Variants in OSBPL3 observed in about 807,000 individuals in gnomAD.
OSBPL3 encodes oxysterol binding protein like 3.
OSBPL3 carries 65 observed loss-of-function variants against 120.1 expected under a neutral mutation model. The observed-to-expected ratio is 0.54, with a 90% CI of 0.44 to 0.67. OSBPL3 has a LOEUF of 0.67. Ranked by LOEUF, OSBPL3 falls within the 30% of genes least tolerant of loss-of-function variation. OSBPL3 has a pLI of 0.00. For missense variants in OSBPL3, 1,004 were observed against 1,082.1 expected, an observed-to-expected ratio of 0.93 and a Z score of 1.01; for synonymous variants, 416 against 402.6, an observed-to-expected ratio of 1.03 and a Z score of -0.40.
chr7:24,966,221 G>T lies in OSBPL3; in HGVS notation c.-150+13665C>A, dbSNP rs924381360. ...AGCCGCGAAGAGAAATCCAGCACCT[G>T]CGGAGACCACACACTGCACATTTTA... On this transcript the variant is annotated intron_variant, in intron 1 of 22. Transcript: ENST00000313367. This position sits in a 1 kb window ranked among gnomAD's most constrained non-coding sequence, Gnocchi z 4.8. Among the ~76,000 whole-genome samples, 2 of 152,206 alleles carry T rather than the reference G, an allele frequency of 1.3e-5. No individual in the cohort carries two copies. The highest frequency in any genetic ancestry group is 4.8e-5 in the African/African-American group (2 of 41,444).
chr7:24,801,243 CAAAAAA>C (rs397976980), intron 22 of OSBPL3, among the ~76,000 whole-genome samples: 6 of 73,994 alleles, frequency 8.1e-5, no homozygotes, highest in South Asian at 4.9e-4. Context: ...GACTCCTTCT[CAAAAAA>C]AAAAAAAAAA....
Position 24,953,552 on chromosome 7 carries a change from T to C in OSBPL3, c.-150+26334A>G, listed in dbSNP as rs1357406332. ...TATTACTCTCAGTATGAAAACTAAA[T>C]AGATCATCAGAAAAAGAATTAGGCA... On this transcript the variant is annotated intron_variant, in intron 1 of 22. Coordinates refer to ENST00000313367, the MANE Select transcript of OSBPL3 (RefSeq NM_015550.4). This position sits in a 1 kb window ranked among gnomAD's most constrained non-coding sequence, Gnocchi z 4.3. Among the ~76,000 whole-genome samples the C allele has an allele frequency of 6.6e-6, 1 of 152,158 alleles. No individual in the cohort carries two copies. The highest frequency in any genetic ancestry group is 1.5e-5 in the Non-Finnish European group (1 of 68,018).
chr7:24,847,196 G>A (rs1028062347), intron 12 of OSBPL3, among the ~76,000 whole-genome samples: 7 of 152,264 alleles, frequency 4.6e-5, no homozygotes, highest in East Asian at 1.9e-4. Context: ...AGAGGTAACC[G>A]GGAGTTACCG....
chr7:24,905,164 A>G (rs1396162533), intron 1 of OSBPL3, among the ~76,000 whole-genome samples: 1 of 143,856 alleles, frequency 7.0e-6, no homozygotes, highest in Non-Finnish European at 1.6e-5. Context: ...GGGTGTGGAA[A>G]CTCTTCACAA....
rs1409655323 is a variant in OSBPL3 at position 24,930,355 on chromosome 7, C to T, written c.-149-37734G>A. 2.0e-5 allele frequency among the ~76,000 whole-genome samples: 3 copies of T among 152,050 alleles called. No individual in the cohort carries two copies. Reference sequence around the variant, plus strand: ...TTTTTGTTGTCAATTCCTGTCTAAACAAACAAATTTTATACTGCCTATCCA... The same window carrying T: ...TTTTTGTTGTCAATTCCTGTCTAAATAAACAAATTTTATACTGCCTATCCA... On this transcript the variant is annotated intron_variant, in intron 1 of 22. Coordinates refer to ENST00000313367, the MANE Select transcript of OSBPL3 (RefSeq NM_015550.4). The surrounding 1 kb of genome is among the most constrained non-coding windows in gnomAD (Gnocchi z 4.4).
chr7:24,799,465 G>A lies in OSBPL3; in HGVS notation c.*718C>T, dbSNP rs1176019015. On this transcript the variant is annotated 3_prime_UTR_variant, in exon 23 of 23. Coordinates refer to ENST00000313367, the MANE Select transcript of OSBPL3 (RefSeq NM_015550.4). This position sits in a 1 kb window ranked among gnomAD's most constrained non-coding sequence, Gnocchi z 5.3. ...ATGCTATTGTGATATTTAATTAATT[G>A]GAATTCTTTTCTCTTATGAATAATT... 1.3e-5 allele frequency: 2 copies of A among 151,994 alleles called. No individual in the cohort carries two copies. Among genetic ancestry groups the A allele is most frequent in the Non-Finnish European group, 2.9e-5 (2 of 67,994 alleles). 9.4% of individuals were successfully genotyped at this position (151,994 alleles called of 1,614,324 possible). A position where few individuals can be genotyped will look rare whatever the true frequency, so the allele number is the denominator to read the frequency against.
In OSBPL3 at chr7:24,969,056, A is replaced by G. The variant is rs114733212; in HGVS notation, c.-150+10830T>C. On this transcript the variant is annotated intron_variant, in intron 1 of 22. Transcript: ENST00000313367. Reference sequence around the variant, plus strand: ...GATTCAAAGAGTGCATGCATTTCCAATTTTGACAGATACTGCCAATGGCTC... The same window carrying G: ...GATTCAAAGAGTGCATGCATTTCCAGTTTTGACAGATACTGCCAATGGCTC... 9.1e-3 allele frequency among the ~76,000 whole-genome samples: 1,379 copies of G among 152,310 alleles called. 23 individuals carry two copies. The highest frequency in any genetic ancestry group is 0.031 in the African/African-American group (1,295 of 41,558).
At position 24,817,648 on chromosome 7, in the gene OSBPL3, G is replaced by A. The variant is rs1794636111; in HGVS notation, c.1949-960C>T. Reference sequence around the variant, plus strand: ...TTGCAAAGGCAATTGGAAGCCATATGGAGAATGGAACAGGAGTAGGAGAGA... The same window carrying A: ...TTGCAAAGGCAATTGGAAGCCATATAGAGAATGGAACAGGAGTAGGAGAGA... On this transcript the variant is annotated intron_variant, in intron 17 of 22. Transcript: ENST00000313367. The surrounding 1 kb of genome is among the most constrained non-coding windows in gnomAD (Gnocchi z 4.0). Among the ~76,000 whole-genome samples the A allele has an allele frequency of 6.6e-6, 1 of 152,202 alleles. No homozygotes were observed.
rs952612132 is a variant in OSBPL3, at chr7:24,877,902, T to C, written c.97-5833A>G. Among the ~76,000 whole-genome samples the C allele has an allele frequency of 1.3e-5, 2 of 152,166 alleles. No homozygotes were observed. Among genetic ancestry groups the C allele is most frequent in the Non-Finnish European group, 2.9e-5 (2 of 68,030 alleles). ...ACACGGCTGCACTGATGTCTCATCC[T>C]GTGGGGTGTCAAGCTTAAAGGTCAC... is the stretch of plus-strand genomic sequence containing the variant. On this transcript the variant is annotated intron_variant, in intron 2 of 22. Coordinates refer to ENST00000313367, the MANE Select transcript of OSBPL3 (RefSeq NM_015550.4). This position sits in a 1 kb window ranked among gnomAD's most constrained non-coding sequence, Gnocchi z 4.8.
chr7:24,903,360 T>G (rs1037388750), intron 1 of OSBPL3, among the ~76,000 whole-genome samples: 1 of 152,142 alleles, frequency 6.6e-6, no homozygotes, highest in Non-Finnish European at 1.5e-5. Flanking sequence ...AAGGAAGAGA[T>G]CAAGAGACCC....
chr7:24,849,152 T>C lies in OSBPL3; in HGVS notation c.1183A>G (p.Lys395Glu), dbSNP rs1798818347. Residue 395 changes from lysine (K) to glutamate (E), a missense_variant, in exon 12 of 23, where the codon AAA becomes GAA. By Grantham distance (56) the Lys-to-Glu change is moderately conservative (BLOSUM62 1). Around this residue, in one of 4 missense-constraint regions of OSBPL3, gnomAD observed 272 missense variants for 248.8 expected, o/e 1.09. Coordinates refer to ENST00000313367, the MANE Select transcript of OSBPL3 (RefSeq NM_015550.4). This position sits in a 1 kb window ranked among gnomAD's most constrained non-coding sequence, Gnocchi z 5.4. ...SSALAQNTDL[K>E]ERLRRIHAES... is the part of the protein sequence containing the mutation. The stretch of plus-strand genomic sequence containing the variant: ...GCATGGATTCTGCGTAAGCGTTCTT[T>C]AAGATCTGTGTTTTGTGCTAGGGCC... 1.9e-6 allele frequency: 3 copies of C among 1,613,952 alleles called. No individual in the cohort carries two copies. In the East Asian group the frequency reaches 6.7e-5, roughly 36 times the overall value.
Position 24,904,079 on chromosome 7 carries a change from C to T in OSBPL3, c.-149-11458G>A, listed in dbSNP as rs574551306. Among the ~76,000 whole-genome samples, 5 of 152,160 alleles carry T rather than the reference C, an allele frequency of 3.3e-5. No homozygotes were observed. In the East Asian group the frequency reaches 9.6e-4, roughly 29 times the overall value. On this transcript the variant is annotated intron_variant, in intron 1 of 22. Coordinates refer to ENST00000313367, the MANE Select transcript of OSBPL3 (RefSeq NM_015550.4). ...TGTATTTTTAGTAGAGATGGGGTTT[C>T]ACCATGTTGGCCAGGCTGGTCTCAA...
Position 24,852,387 on chromosome 7 carries a change from A to G in OSBPL3, c.1158+117T>C, listed in dbSNP as rs1799266422. On this transcript the variant is annotated intron_variant, in intron 11 of 22. Transcript: ENST00000313367. This position sits in a 1 kb window ranked among gnomAD's most constrained non-coding sequence, Gnocchi z 4.1. ...AGATTTGATGAAAGGTTAGAATATA[A>G]TTTGGATAATTTGGTTTTCTCCTGA... is the stretch of plus-strand genomic sequence containing the variant. 7 of 848,210 alleles carry G rather than the reference A, an allele frequency of 8.3e-6. No individual in the cohort carries two copies. The highest frequency in any genetic ancestry group is 1.7e-5 in the African/African-American group (1 of 57,900). The allele number at this position is 848,210 out of a possible 1,614,324, so 52.5% of individuals were successfully genotyped here. A position where few individuals can be genotyped will look rare whatever the true frequency, so the allele number is the denominator to read the frequency against.
In OSBPL3 at chr7:24,939,799, G is replaced by T. The variant is rs1562991844; in HGVS notation, c.-150+40087C>A. On this transcript the variant is annotated intron_variant, in intron 1 of 22. Transcript: ENST00000313367. This position sits in a 1 kb window ranked among gnomAD's most constrained non-coding sequence, Gnocchi z 4.2. ...ACCCAGTTCAGTCACTGAGAAGGGG[G>T]AAAAAATCAGTAACAGGGGGCTATA... Among the ~76,000 whole-genome samples, 1 of 152,094 alleles carries T rather than the reference G, an allele frequency of 6.6e-6. No individual in the cohort carries two copies. Among genetic ancestry groups the T allele is most frequent in the Non-Finnish European group, 1.5e-5 (1 of 68,012 alleles).
rs1562831439 is a variant in OSBPL3, at chr7:24,854,539, A to ACAC, written c.1028-1906_1028-1905insGTG. Among the ~76,000 whole-genome samples the ACAC allele has an allele frequency of 8.4e-5, 11 of 131,700 alleles. No individual in the cohort carries two copies. The highest frequency in any genetic ancestry group is 3.0e-4 in the Admixed American group (4 of 13,378). 86.4% of individuals were successfully genotyped at this position (131,700 alleles called of 152,430 possible). A position where few individuals can be genotyped will look rare whatever the true frequency, so the allele number is the denominator to read the frequency against. On this transcript the variant is annotated intron_variant, in intron 10 of 22. Coordinates refer to ENST00000313367, the MANE Select transcript of OSBPL3 (RefSeq NM_015550.4). The surrounding 1 kb of genome is among the most constrained non-coding windows in gnomAD (Gnocchi z 4.1). The stretch of plus-strand genomic sequence containing the variant: ...ACACACACACACACACACACACACA[A>ACAC]ACACACACAATGGTGCTGCCTCTGC...
Position 24,894,903 on chromosome 7 carries a change from G to T in OSBPL3, c.-149-2282C>A, listed in dbSNP as rs1403572961. Among the ~76,000 whole-genome samples, 1 of 152,134 alleles carries T rather than the reference G, an allele frequency of 6.6e-6. No individual in the cohort carries two copies. Among genetic ancestry groups the T allele is most frequent in the Non-Finnish European group, 1.5e-5 (1 of 68,022 alleles). On this transcript the variant is annotated intron_variant, in intron 1 of 22. Transcript: ENST00000313367. This position sits in a 1 kb window ranked among gnomAD's most constrained non-coding sequence, Gnocchi z 4.1. The stretch of plus-strand genomic sequence containing the variant: ...GGAGGCAACAGCCAGGACTTAGTAG[G>T]CCAAATCCAATAGCTATCAAAGTTG...
rs139198470 is a variant in OSBPL3 at position 24,960,549 on chromosome 7, T to C, written c.-150+19337A>G. The stretch of plus-strand genomic sequence containing the variant: ...AAATCTTTTCCATTGGGCTGTGAAA[T>C]ATAGAACAGGCACTCCGAGACAGAT... On this transcript the variant is annotated intron_variant, in intron 1 of 22. Coordinates refer to ENST00000313367, the MANE Select transcript of OSBPL3 (RefSeq NM_015550.4). 2.8e-3 allele frequency among the ~76,000 whole-genome samples: 427 copies of C among 152,200 alleles called. 7 individuals are homozygous for C. Among genetic ancestry groups the C allele is most frequent in the Non-Finnish European group, 5.4e-4 (37 of 67,998 alleles).
At position 24,953,860 on chromosome 7, in the gene OSBPL3, G is replaced by A. The variant is rs1814735623; in HGVS notation, c.-150+26026C>T. On this transcript the variant is annotated intron_variant, in intron 1 of 22. Coordinates refer to ENST00000313367, the MANE Select transcript of OSBPL3 (RefSeq NM_015550.4). The surrounding 1 kb of genome is among the most constrained non-coding windows in gnomAD (Gnocchi z 4.3). ...AGCATGTATCCCAGGAATAGCTTTT[G>A]CTACAAAATGTGAGACAAAACAGCT... Among the ~76,000 whole-genome samples the A allele has an allele frequency of 6.6e-6, 1 of 152,202 alleles. No homozygotes were observed. The highest frequency in any genetic ancestry group is 2.4e-5 in the African/African-American group (1 of 41,454).
At chr7:24,844,175 T>TA (rs766225219) in intron 12 of OSBPL3, among the ~76,000 whole-genome samples, 1 of 152,254 alleles carries the variant, frequency 6.6e-6, no homozygotes, top group African/African-American at 2.4e-5. Context: ...GCTAAAATAT[T>TA]AACCCAGTCA....
Sources: allele counts gnomAD v4.1 joint callset (sites outside exome capture counted in the v4.1 genomes callset), GRCh38; gene constraint gnomAD v4.1.1; regional missense constraint gnomAD v4.1.1; non-coding constraint Gnocchi (gnomAD v3.1); transcripts MANE v1.5; gene names NCBI Gene and HGNC (gene_info 2026-07-23, HGNC 2026-07-21).